HACL1: variants seen among roughly 807,000 people sequenced by gnomAD.
HACL1 encodes 1600020H07Rik.
In HACL1, 64 loss-of-function variants were observed where a neutral mutation model predicts 74.2. The ratio of observed to expected loss-of-function variants is 0.86; its 90% confidence interval spans 0.70 to 1.06. The LOEUF is 1.06. Ranked by LOEUF, HACL1 falls within the 50% of genes least tolerant of loss-of-function variation. HACL1 has a pLI of 0.00. For missense variants in HACL1, 728 were observed against 719.7 expected, an observed-to-expected ratio of 1.01 and a Z score of -0.13; for synonymous variants, 230 against 238.8, an observed-to-expected ratio of 0.96 and a Z score of 0.34.
intron 8 of HACL1, among the ~76,000 whole-genome samples, chr3:15,581,322 AT>A (rs533939109): frequency 4.0e-5 from 6 of 150,462 alleles, no homozygotes; most frequent in South Asian, 2.1e-4. Context: ...CAAGACCACT[AT>A]TTTTTTTTGC....
Position 15,601,508 on chromosome 3 carries a change from C to T in HACL1, c.-45G>A. The T allele has an allele frequency of 6.2e-7, 1 of 1,609,668 alleles. No individual in the cohort carries two copies. Among genetic ancestry groups the T allele is most frequent in the Non-Finnish European group, 8.5e-7 (1 of 1,180,012 alleles). On this transcript the variant is annotated 5_prime_UTR_variant, in exon 1 of 17. Coordinates refer to ENST00000321169, the MANE Select transcript of HACL1 (RefSeq NM_012260.4). The stretch of plus-strand genomic sequence containing the variant: ...AGCACTCACGCAGCCGGCAAACAAG[C>T]GGAATCATCCAGCAAGGCAAACGCG...
intron 8 of HACL1, among the ~76,000 whole-genome samples, chr3:15,582,345 T>C (rs767805670): frequency 6.6e-5 from 10 of 152,174 alleles, no homozygotes; most frequent in Non-Finnish European, 2.9e-5. Context: ...GGCACAAACA[T>C]GTCTGCCACA....
At chr3:15,561,436 C>T (rs2125218817) in intron 16 of HACL1, among the ~76,000 whole-genome samples, 1 of 151,738 alleles carries the variant, frequency 6.6e-6, no homozygotes. Context: ...GTAAATTCCA[C>T]TGGAATGAAA....
intron 3 of HACL1, among the ~76,000 whole-genome samples, chr3:15,595,409 G>A (rs112644217): frequency 1.4e-3 from 215 of 151,828 alleles, no homozygotes; most frequent in African/African-American, 5.1e-3. Context: ...GCATTTCTTA[G>A]CAACTGAATT....
chr3:15,592,479 C>CAT (rs1225361650), intron 3 of HACL1, among the ~76,000 whole-genome samples: 2 of 10,654 alleles, frequency 1.9e-4, no homozygotes, highest in South Asian at 6.7e-3. Flanking sequence ...CACACGTATA[C>CAT]ATACACTTGT....
At chr3:15,579,718 G>C (rs563386283) in intron 9 of HACL1, among the ~76,000 whole-genome samples, 192 bp downstream of exon 9, 6 of 152,238 alleles carry the variant, frequency 3.9e-5, no homozygotes, top group South Asian at 4.1e-4. Context: ...ATTACATACA[G>C]AGCAACAATA....
chr3:15,569,986 A>G (rs1216194085), intron 12 of HACL1, among the ~76,000 whole-genome samples: 4 of 150,210 alleles, frequency 2.7e-5, no homozygotes, highest in Non-Finnish European at 5.9e-5. Context: ...GTGAAACTCC[A>G]TCTCAAAAAA....
intron 8 of HACL1, among the ~76,000 whole-genome samples, chr3:15,582,031 A>G (rs1353350379): frequency 6.6e-6 from 1 of 152,182 alleles, no homozygotes; most frequent in Non-Finnish European, 1.5e-5. Context: ...ACATCATACA[A>G]CACATTCCAC....
At chr3:15,571,642 T>C (rs772601456) in intron 12 of HACL1, 26 bp downstream of exon 12, 16 of 931,632 alleles carry the variant, frequency 1.7e-5, no homozygotes, top group Middle Eastern at 2.1e-4. Context: ...TGACCTGTTA[T>C]TGAGCGTCAG....
chr3:15,580,970 C>T (rs977414988), intron 8 of HACL1, among the ~76,000 whole-genome samples: 3 of 152,264 alleles, frequency 2.0e-5, no homozygotes, highest in Non-Finnish European at 2.9e-5. Context: ...GGCGCGATCT[C>T]GGTTCACTGC....
rs377278680 is a variant in HACL1 at position 15,568,576 on chromosome 3, G to A, written c.1106C>T (p.Ser369Phe). 2.1e-5 allele frequency: 32 copies of A among 1,533,082 alleles called. No individual in the cohort carries two copies. The East Asian group carries it at 5.0e-4, about 24-fold the overall frequency. The allele number at this position is 1,533,082 out of a possible 1,614,324, so 95.0% of individuals were successfully genotyped here. A position where few individuals can be genotyped will look rare whatever the true frequency, so the allele number is the denominator to read the frequency against. ...ATAATTCATAGGCAGGGATTTTTTA[G>A]AAGCTAGTTCCTGAAAAGTAGATGG... The part of the protein sequence containing the change: ...SNEAASKELA[S>F]KKSLPMNYYT... The change falls in exon 13 of 17, where the codon TCT becomes TTT. Residue 369 changes from serine to phenylalanine, a missense_variant. Transcript: ENST00000321169.
intron 3 of HACL1, among the ~76,000 whole-genome samples, chr3:15,593,128 C>T (rs71627144): frequency 0.033 from 4,319 of 131,112 alleles, 98 homozygotes; most frequent in South Asian, 0.056. Flanking sequence ...CACACACATA[C>T]GTATATATGT....
At chr3:15,589,681 T>C (rs1206270098) in intron 4 of HACL1, 69 bp from the exon 5 acceptor site, 2 of 898,812 alleles carry the variant, frequency 2.2e-6, no homozygotes, top group East Asian at 4.8e-5. Flanking sequence ...AAACACAGTG[T>C]CTAATTCACA....
intron 3 of HACL1, among the ~76,000 whole-genome samples, chr3:15,595,604 CTTTTTTTTTTTTT>C (rs764183329): frequency 3.1e-5 from 3 of 97,324 alleles, no homozygotes; most frequent in African/African-American, 8.1e-5. Context: ...ATCTTTTTTC[CTTTTTTTTTTTTT>C]TTTTTTTTTT....
chr3:15,577,398 T>TAAGGGAAGCAAGA (rs2063645653), intron 9 of HACL1, among the ~76,000 whole-genome samples: 2 of 150,506 alleles, frequency 1.3e-5, no homozygotes, highest in South Asian at 4.2e-4. Flanking sequence ...CACATGACAG[T>TAAGGGAAGCAAGA]AATAAACTAC....
At chr3:15,601,359 T>C (rs2064230319) in intron 1 of HACL1, 24 bp downstream of exon 1, 2 of 1,613,712 alleles carry the variant, frequency 1.2e-6, no homozygotes, top group African/African-American at 1.3e-5. Context: ...TAGGAGCCTT[T>C]CATTCCAGGA....
At chr3:15,568,725 C>T in intron 12 of HACL1, 139 bp from the exon 13 acceptor site, 2 of 600,396 alleles carry the variant, frequency 3.3e-6, no homozygotes, top group Non-Finnish European at 5.9e-6. Context: ...ATAAAATGGC[C>T]ACTCTGAGAA....
intron 4 of HACL1, 108 bp downstream of exon 4, chr3:15,591,492 G>GTT: frequency 2.9e-5 from 16 of 542,500 alleles, no homozygotes; most frequent in Non-Finnish European, 3.3e-5. Flanking sequence ...AATTGAAGGG[G>GTT]TTTTTTTTTT....
chr3:15,594,700 C>G (rs542102891), intron 3 of HACL1, among the ~76,000 whole-genome samples: 1 of 152,278 alleles, frequency 6.6e-6, no homozygotes, highest in East Asian at 1.9e-4. Context: ...AATGTGGCTA[C>G]TACAAACTGA....
Sources: gnomAD v4.1 joint callset for allele counts (sites outside exome capture counted in the v4.1 genomes callset) on GRCh38, gnomAD v4.1.1 for gene constraint, MANE v1.5 for transcripts, NCBI Gene and HGNC (gene_info 2026-07-23, HGNC 2026-07-21) for gene names.